PAPPA2: variants seen among roughly 807,000 people sequenced by gnomAD.
PAPPA2 encodes the protein pappalysin 2, also known as pappalysin-2.
PAPPA2 carries 86 observed loss-of-function variants against 176.4 expected under a neutral mutation model. That is an observed-to-expected ratio of 0.49 (90% CI 0.41 to 0.58). PAPPA2 has a LOEUF of 0.58. Ranked by LOEUF, PAPPA2 falls within the 20% of genes least tolerant of loss-of-function variation. The pLI is 0.00. For missense variants in PAPPA2, 2,073 were observed against 2,256.9 expected (o/e 0.92, Z 1.65); for synonymous variants, 809 against 852.2 (o/e 0.95, Z 0.88).
intron 14 of PAPPA2, among the ~76,000 whole-genome samples, chr1:176,760,152 T>G (rs1663632585): frequency 6.6e-6 from 1 of 152,200 alleles, no homozygotes; most frequent in African/African-American, 2.4e-5. Context: ...CAAATCAAAT[T>G]CAATAATAAA....
In PAPPA2 at chr1:176,747,694, A is replaced by T. The variant is rs187114814; in HGVS notation, c.4151+7498A>T. 4.2e-4 allele frequency among the ~76,000 whole-genome samples: 64 copies of T among 152,294 alleles called. 2 individuals are homozygous for T. The highest frequency in any genetic ancestry group is 6.8e-3 in the Middle Eastern group (2 of 294). ...ACTATAAATATAGCATCTTACAACA[A>T]TGCTTATTTATAATCTTACAGTTTC... is the stretch of plus-strand genomic sequence containing the variant. On this transcript the variant is annotated intron_variant, in intron 14 of 22. Transcript: ENST00000367662.
chr1:176,769,017 G>A (rs1016474009), intron 15 of PAPPA2, among the ~76,000 whole-genome samples: 1 of 152,168 alleles, frequency 6.6e-6, no homozygotes, highest in Non-Finnish European at 1.5e-5. Context: ...AAATCACAAG[G>A]CGATGGTGCA....
intron 10 of PAPPA2, among the ~76,000 whole-genome samples, chr1:176,706,766 C>T (rs1660901677): frequency 6.6e-6 from 1 of 152,108 alleles, no homozygotes; most frequent in African/African-American, 2.4e-5. Flanking sequence ...ATACTGCTTC[C>T]TAGCTTAATG....
chr1:176,728,854 A>G (rs935809339), intron 12 of PAPPA2, among the ~76,000 whole-genome samples: 3 of 151,952 alleles, frequency 2.0e-5, no homozygotes, highest in Non-Finnish European at 4.4e-5. Context: ...AACCTTAAAC[A>G]TAATACTTTA....
intron 12 of PAPPA2, among the ~76,000 whole-genome samples, chr1:176,734,336 G>A (rs534243248): frequency 6.6e-6 from 1 of 151,990 alleles, no homozygotes; most frequent in South Asian, 2.1e-4. Flanking sequence ...GTTCGGGTGG[G>A]ATTATAGTGG....
chr1:176,785,332 C>T (rs550885049), intron 17 of PAPPA2, among the ~76,000 whole-genome samples: 5 of 152,164 alleles, frequency 3.3e-5, no homozygotes, highest in South Asian at 2.1e-4. Context: ...TATTGGGCCC[C>T]GAGATACTTA....
At chr1:176,649,283 CT>C (rs1657577770) in intron 3 of PAPPA2, among the ~76,000 whole-genome samples, 1 of 150,928 alleles carries the variant, frequency 6.6e-6, no homozygotes, top group Non-Finnish European at 1.5e-5. Context: ...CAGAGGGGTC[CT>C]TTTTGCTGAA....
chr1:176,554,336 T>G (rs922178628), intron 1 of PAPPA2, among the ~76,000 whole-genome samples: 2 of 152,168 alleles, frequency 1.3e-5, no homozygotes, highest in Non-Finnish European at 2.9e-5. Flanking sequence ...TTTTTCTTAT[T>G]ATGTGAATGA....
At chr1:176,782,734 T>C (rs1335497426) in intron 17 of PAPPA2, among the ~76,000 whole-genome samples, 2 of 152,164 alleles carry the variant, frequency 1.3e-5, no homozygotes, top group African/African-American at 4.8e-5. Context: ...AGTTTGGATT[T>C]CATTTTTCAT....
At chr1:176,744,609 T>C (rs980532331) in intron 14 of PAPPA2, among the ~76,000 whole-genome samples, 1 of 152,212 alleles carries the variant, frequency 6.6e-6, no homozygotes, top group East Asian at 1.9e-4. Context: ...AAGGTAGTAC[T>C]GATGGGAATA....
At chr1:176,685,348 T>C (rs976350371) in intron 4 of PAPPA2, among the ~76,000 whole-genome samples, 2 of 152,024 alleles carry the variant, frequency 1.3e-5, no homozygotes, top group South Asian at 2.1e-4. Context: ...TTCTAAGGAG[T>C]GTTTCCCCAT....
chr1:176,576,403 A>G (rs1028439596), intron 2 of PAPPA2, among the ~76,000 whole-genome samples: 3 of 151,898 alleles, frequency 2.0e-5, no homozygotes, highest in East Asian at 1.9e-4. Context: ...CTGTCACCCA[A>G]TGTTACTGTG....
intron 1 of PAPPA2, among the ~76,000 whole-genome samples, chr1:176,523,837 T>A (rs1649333849): frequency 6.6e-6 from 1 of 152,234 alleles, no homozygotes; most frequent in Non-Finnish European, 1.5e-5. Flanking sequence ...GGATTACTTA[T>A]GGCATAGTCC....
intron 14 of PAPPA2, among the ~76,000 whole-genome samples, chr1:176,758,244 A>T (rs549891037): frequency 3.3e-5 from 5 of 152,346 alleles, no homozygotes; most frequent in South Asian, 2.1e-4. Context: ...TCAACACCTC[A>T]AAGTACCAGC....
chr1:176,795,727 A>G (rs1665399493), intron 20 of PAPPA2, among the ~76,000 whole-genome samples: 1 of 152,238 alleles, frequency 6.6e-6, no homozygotes, highest in Non-Finnish European at 1.5e-5. Context: ...CAGACTAAAC[A>G]GCACTATTTT....
chr1:176,682,761 T>C (rs961028349), intron 4 of PAPPA2, among the ~76,000 whole-genome samples: 4 of 152,112 alleles, frequency 2.6e-5, no homozygotes, highest in African/African-American at 9.7e-5. Flanking sequence ...ACTTTTTCTT[T>C]CCTTGCCCTG....
chr1:176,652,278 T>G, intron 3 of PAPPA2, among the ~76,000 whole-genome samples: 1 of 151,770 alleles, frequency 6.6e-6, no homozygotes, highest in African/African-American at 2.4e-5. Context: ...CAATCTTCTC[T>G]TTTTGGCTTG....
chr1:176,470,348 A>G (rs1220354763), intron 1 of PAPPA2, among the ~76,000 whole-genome samples: 1 of 152,176 alleles, frequency 6.6e-6, no homozygotes, highest in Admixed American at 6.5e-5. Flanking sequence ...AAAGGTAAGA[A>G]TTCTCACCTC....
intron 21 of PAPPA2, among the ~76,000 whole-genome samples, chr1:176,816,243 A>G (rs547299536): frequency 8.7e-5 from 11 of 126,426 alleles, no homozygotes; most frequent in East Asian, 8.6e-4. Context: ...GTGTGTGTGT[A>G]TATATATATA....
Sources: allele counts gnomAD v4.1 joint callset (sites outside exome capture counted in the v4.1 genomes callset), GRCh38; gene constraint gnomAD v4.1.1; transcripts MANE v1.5; gene names NCBI Gene and HGNC (gene_info 2026-07-23, HGNC 2026-07-21).